Variants in KDM2B observed in about 807,000 individuals in gnomAD.
The protein encoded by KDM2B is lysine-specific demethylase 2B.
Under a neutral mutation model 150.0 loss-of-function variants are expected in KDM2B, and 26 were observed. That is an observed-to-expected ratio of 0.17 (90% confidence interval 0.13 to 0.24). KDM2B has a LOEUF of 0.24. Ranked by LOEUF, KDM2B falls within the 10% of genes least tolerant of loss-of-function variation. The pLI, the probability that KDM2B is intolerant of heterozygous loss-of-function variation, is 1.00. For synonymous variants in KDM2B, 734 were observed against 729.5 expected, an observed-to-expected ratio of 1.01 and a Z score of -0.10; for missense variants, 1,265 against 1,816.9, an observed-to-expected ratio of 0.70 and a Z score of 5.52.
Position 121,453,409 on chromosome 12 carries a change from G to A in KDM2B, c.1735-65C>T, listed in dbSNP as rs567954052. On this transcript the variant is annotated intron_variant, in intron 12 of 22. Coordinates refer to ENST00000377071, the MANE Select transcript of KDM2B (RefSeq NM_032590.5). The surrounding 1 kb of genome is among the most constrained non-coding windows in gnomAD (Gnocchi z 6.4). ...GCAGGCACGGCCAGACCCCCGGAAA[G>A]GGTGTTAGGGAGCAAACTGTGTACC... is the stretch of plus-strand genomic sequence containing the variant. 509 of 1,312,574 alleles carry A rather than the reference G, an allele frequency of 3.9e-4. 5 individuals are homozygous for A. The South Asian group carries it at 5.1e-3, about 13-fold the overall frequency. The allele number at this position is 1,312,574 out of a possible 1,614,324, so 81.3% of individuals were successfully genotyped here. A position where few individuals can be genotyped will look rare whatever the true frequency, so the allele number is the denominator to read the frequency against.
chr12:121,540,652 G>A (rs1463082830), intron 6 of KDM2B, among the ~76,000 whole-genome samples: 1 of 151,692 alleles, frequency 6.6e-6, no homozygotes, highest in Non-Finnish European at 1.5e-5. Flanking sequence ...AAATCGGGAG[G>A]CTGAGGCAGG....
chr12:121,427,507 A>T (rs1872565849), downstream of KDM2B, among the ~76,000 whole-genome samples: 1 of 152,168 alleles, frequency 6.6e-6, no homozygotes, highest in South Asian at 2.1e-4. Context: ...ATACCACTGC[A>T]CTCCAGCCTG....
the KDM2B span, among the ~76,000 whole-genome samples, chr12:121,421,996 ATCTTCAT>A: frequency 6.6e-6 from 1 of 152,210 alleles, no homozygotes; most frequent in Non-Finnish European, 1.5e-5. Context: ...AGATGCAGGA[ATCTTCAT>A]CCTCAGAGCT....
At position 121,520,862 on chromosome 12, in the gene KDM2B, A is replaced by G; in HGVS notation, c.1047+123T>C. 1 of 389,412 alleles carries G rather than the reference A, an allele frequency of 2.6e-6. No homozygotes were observed. The highest frequency in any genetic ancestry group is 5.1e-6 in the Non-Finnish European group (1 of 194,974). 24.1% of individuals were successfully genotyped at this position (389,412 alleles called of 1,614,324 possible). ...CAGAACCAGGACTGAAGCCAGCTTG[A>G]GAGAGGAATCGGGAGGGAGAGGGGA... On this transcript the variant is annotated intron_variant, in intron 9 of 22. Transcript: ENST00000377071. This position sits in a 1 kb window ranked among gnomAD's most constrained non-coding sequence, Gnocchi z 4.5.
At chr12:121,425,923 C>T (rs782129294), downstream of KDM2B, among the ~76,000 whole-genome samples, 3 of 152,050 alleles carry the variant, frequency 2.0e-5, no homozygotes, top group Non-Finnish European at 4.4e-5. Flanking sequence ...CCCGCCACCA[C>T]GCCCGGCTAA....
intron 6 of KDM2B, among the ~76,000 whole-genome samples, chr12:121,546,377 GCC>G (rs1889042523): frequency 2.1e-5 from 2 of 93,996 alleles, no homozygotes; most frequent in African/African-American, 4.8e-5. Context: ...TTTTTTTTTT[GCC>G]TTTTTTTTTT....
At chr12:121,503,034 A>G (rs1351157770) in intron 11 of KDM2B, among the ~76,000 whole-genome samples, 3 of 149,600 alleles carry the variant, frequency 2.0e-5, no homozygotes, top group East Asian at 3.9e-4. Flanking sequence ...CTAGGGTGCA[A>G]TGGCGCAATC....
intron 12 of KDM2B, chr12:121,469,639 C>G (rs1555295560): frequency 6.7e-6 from 1 of 149,840 alleles, no homozygotes; most frequent in African/African-American, 2.5e-5. Flanking sequence ...AAAAGGCTAC[C>G]TTGTTGTCTG....
intron 11 of KDM2B, among the ~76,000 whole-genome samples, chr12:121,507,205 A>G (rs1477177440): frequency 6.6e-6 from 1 of 151,786 alleles, no homozygotes; most frequent in African/African-American, 2.4e-5. Flanking sequence ...CTCTACAAAA[A>G]TTACAAAAAA....
At chr12:121,445,011 C>A (rs1343953671) in intron 14 of KDM2B, 3 of 479,064 alleles carry the variant, frequency 6.3e-6, no homozygotes, top group Non-Finnish European at 1.1e-5. Flanking sequence ...CCTGTGTTTG[C>A]CATCTGCTGA....
At chr12:121,544,408 A>C (rs1555310297) in intron 6 of KDM2B, among the ~76,000 whole-genome samples, 1 of 151,760 alleles carries the variant, frequency 6.6e-6, no homozygotes, top group Non-Finnish European at 1.5e-5. Flanking sequence ...TCAGGAGCTC[A>C]AGACCAGCTT....
chr12:121,498,163 G>C (rs1185337896), intron 11 of KDM2B, among the ~76,000 whole-genome samples: 1 of 152,070 alleles, frequency 6.6e-6, no homozygotes, highest in Non-Finnish European at 1.5e-5. Context: ...GAACAAATGA[G>C]CTTTCCAGAA....
chr12:121,419,551 A>C, the KDM2B span, among the ~76,000 whole-genome samples: 14 of 140,628 alleles, frequency 1.0e-4, no homozygotes, highest in African/African-American at 3.8e-4. Flanking sequence ...GGATTGTTGG[A>C]TGCTACAGTA....
chr12:121,497,300 TTTTG>T (rs1293866772), intron 11 of KDM2B, among the ~76,000 whole-genome samples: 1 of 151,990 alleles, frequency 6.6e-6, no homozygotes, highest in East Asian at 1.9e-4. Context: ...CAAAGTTGGG[TTTTG>T]TTTGTTTGTT....
At chr12:121,579,258 G>T (rs1324894769) in intron 1 of KDM2B, among the ~76,000 whole-genome samples, 1 of 152,198 alleles carries the variant, frequency 6.6e-6, no homozygotes, top group Non-Finnish European at 1.5e-5. Context: ...CCACTCGGCC[G>T]GGAGCCTGGT....
downstream of KDM2B, chr12:121,424,136 C>G (rs1046908924): frequency 6.5e-6 from 1 of 152,762 alleles, no homozygotes. Context: ...ATTCTCTAGT[C>G]GACTGCCAGG....
chr12:121,452,610 T>G lies in KDM2B; in HGVS notation c.1959+510A>C, dbSNP rs1555291851. Among the ~76,000 whole-genome samples the G allele has an allele frequency of 6.6e-6, 1 of 152,240 alleles. No homozygotes were observed. The highest frequency in any genetic ancestry group is 2.4e-5 in the African/African-American group (1 of 41,462). Reference sequence around the variant, plus strand: ...ACCTCGCCCCGTTGCGAAGTCCATGTCCACTGCCCTGTCTGGGGACGAGAC... The same window carrying G: ...ACCTCGCCCCGTTGCGAAGTCCATGGCCACTGCCCTGTCTGGGGACGAGAC... On this transcript the variant is annotated intron_variant, in intron 13 of 22. Coordinates refer to ENST00000377071, the MANE Select transcript of KDM2B (RefSeq NM_032590.5). This position sits in a 1 kb window ranked among gnomAD's most constrained non-coding sequence, Gnocchi z 4.4.
chr12:121,417,620 G>C, the KDM2B span: 18 of 1,614,088 alleles, frequency 1.1e-5, no homozygotes, highest in Non-Finnish European at 1.5e-5. The surrounding 1 kb of genome is among the most constrained non-coding windows in gnomAD (Gnocchi z 5.0). Flanking sequence ...AGCGCCCTCA[G>C]TTAATGCGAC....
the KDM2B span, among the ~76,000 whole-genome samples, chr12:121,410,545 C>CAA: frequency 7.3e-6 from 1 of 137,686 alleles, no homozygotes; most frequent in African/African-American, 2.7e-5. Flanking sequence ...TCAAAACCAC[C>CAA]AAAAAAAAAA....
Sources: allele counts gnomAD v4.1 joint callset (sites outside exome capture counted in the v4.1 genomes callset), GRCh38; gene constraint gnomAD v4.1.1; non-coding constraint Gnocchi (gnomAD v3.1); transcripts MANE v1.5; gene names NCBI Gene and HGNC (gene_info 2026-07-23, HGNC 2026-07-21).